The following CDH9 variants were observed in gnomAD, a reference collection of about 807,000 sequenced individuals.
The protein encoded by CDH9 is cadherin-9.
Under a neutral mutation model 70.9 loss-of-function variants are expected in CDH9, and 28 were observed. The observed-to-expected ratio is 0.40, with a 90% CI of 0.29 to 0.54. The LOEUF (loss-of-function observed/expected upper bound fraction) is 0.54. CDH9 is among the 20% of genes least tolerant of loss of function. The pLI is 0.59. For synonymous variants in CDH9, 409 were observed against 343.1 expected (o/e 1.19, Z -2.12); for missense variants, 874 against 984.4 (o/e 0.89, Z 1.50).
chr5:27,030,739 CA>C (rs921550258), intron 1 of CDH9, among the ~76,000 whole-genome samples: 1 of 151,130 alleles, frequency 6.6e-6, no homozygotes, highest in East Asian at 2.0e-4. Flanking sequence ...TAAAGCATAA[CA>C]AAAAAATACA....
intron 1 of CDH9, among the ~76,000 whole-genome samples, chr5:27,035,422 T>A (rs1743374750): frequency 1.3e-5 from 2 of 151,656 alleles, no homozygotes; most frequent in South Asian, 2.1e-4. Flanking sequence ...AATTGCTTTA[T>A]CTTAGGAAAC....
chr5:27,034,434 T>G (rs187307826), intron 1 of CDH9, among the ~76,000 whole-genome samples: 59 of 151,912 alleles, frequency 3.9e-4, no homozygotes, highest in Admixed American at 3.4e-3. Flanking sequence ...TTATTTCTCC[T>G]GCAATTGGTT....
At chr5:26,919,919 G>A (rs1255069376) in intron 2 of CDH9, among the ~76,000 whole-genome samples, 1 of 152,118 alleles carries the variant, frequency 6.6e-6, no homozygotes, top group Admixed American at 6.5e-5. Flanking sequence ...TGGGCCTTGG[G>A]TAAGACTCAG....
At chr5:27,016,931 T>A (rs1743056108) in intron 1 of CDH9, among the ~76,000 whole-genome samples, 1 of 152,036 alleles carries the variant, frequency 6.6e-6, no homozygotes, top group Admixed American at 6.6e-5. Flanking sequence ...ATCCGGAGTG[T>A]TAACAAGTGT....
intron 2 of CDH9, among the ~76,000 whole-genome samples, chr5:26,962,218 T>C (rs1449121985): frequency 1.3e-5 from 2 of 152,190 alleles, no homozygotes; most frequent in African/African-American, 4.8e-5. Context: ...CTTTATCCAG[T>C]CTATCATTGA....
chr5:26,984,533 T>C (rs1217142899), intron 2 of CDH9, among the ~76,000 whole-genome samples: 1 of 152,160 alleles, frequency 6.6e-6, no homozygotes, highest in African/African-American at 2.4e-5. Context: ...ATATAGTTAA[T>C]TGATTATTGA....
intron 1 of CDH9, among the ~76,000 whole-genome samples, chr5:26,995,691 T>C (rs1579501881): frequency 6.6e-6 from 1 of 152,092 alleles, no homozygotes; most frequent in Non-Finnish European, 1.5e-5. Flanking sequence ...TTTATCCCAT[T>C]GGATTTATTA....
chr5:26,897,614 AAC>A (rs373676384), intron 7 of CDH9, among the ~76,000 whole-genome samples: 2 of 152,306 alleles, frequency 1.3e-5, no homozygotes, highest in African/African-American at 4.8e-5. Flanking sequence ...AATAAACTTC[AAC>A]ACCCTTTCAT....
chr5:26,894,042 T>C lies in CDH9; in HGVS notation c.1254-3478A>G, dbSNP rs375454542. Among the ~76,000 whole-genome samples the C allele has an allele frequency of 3.3e-5, 5 of 152,246 alleles. No homozygotes were observed. In the East Asian group the frequency reaches 9.6e-4, roughly 29 times the overall value. On this transcript the variant is annotated intron_variant, in intron 7 of 11. Transcript: ENST00000231021. ...TCCTTAGCTACACAAATTCTGCTTA[T>C]GAATAAAAACAAACCTAAAACGTAC...
intron 1 of CDH9, among the ~76,000 whole-genome samples, chr5:26,989,297 C>G (rs1310714359): frequency 6.6e-6 from 1 of 151,748 alleles, no homozygotes; most frequent in Non-Finnish European, 1.5e-5. Flanking sequence ...TTGTATGATA[C>G]TTAATTTAGA....
intron 3 of CDH9, among the ~76,000 whole-genome samples, chr5:26,914,147 A>G (rs928753439): frequency 3.9e-5 from 6 of 151,934 alleles, no homozygotes; most frequent in South Asian, 4.1e-4. Flanking sequence ...GGTATGTCAA[A>G]TCTTTCTGGG....
At position 26,890,038 on chromosome 5, in the gene CDH9, C is replaced by T. The variant is rs141423503; in HGVS notation, c.1391-81G>A. The T allele has an allele frequency of 3.8e-6, 5 of 1,315,130 alleles. No homozygotes were observed. In the East Asian group the frequency reaches 9.4e-5, roughly 25 times the overall value. 81.5% of individuals were successfully genotyped at this position (1,315,130 alleles called of 1,614,324 possible). On this transcript the variant is annotated intron_variant, in intron 8 of 11. Coordinates refer to ENST00000231021, the MANE Select transcript of CDH9 (RefSeq NM_016279.4). ...CACTCACCCATTTGTAGCTTAGCAA[C>T]AGATCCTTTTTGTGGTGTTCACTTT...
At chr5:26,997,096 T>A (rs1742678680) in intron 1 of CDH9, among the ~76,000 whole-genome samples, 1 of 152,038 alleles carries the variant, frequency 6.6e-6, no homozygotes, top group Non-Finnish European at 1.5e-5. Flanking sequence ...TCATATATTA[T>A]AAAATATGAT....
chr5:26,903,343 G>A (rs1740888527), intron 6 of CDH9: 6 of 471,948 alleles, frequency 1.3e-5, no homozygotes, highest in South Asian at 1.2e-4. Flanking sequence ...AAATAATGAT[G>A]GCTGTGTGTT....
intron 2 of CDH9, among the ~76,000 whole-genome samples, chr5:26,945,271 A>C (rs1182691127): frequency 6.6e-6 from 1 of 151,902 alleles, no homozygotes; most frequent in African/African-American, 2.4e-5. Flanking sequence ...AGAAATGAAC[A>C]GTCAAATGTG....
chr5:26,932,670 A>G (rs1741483148), intron 2 of CDH9, among the ~76,000 whole-genome samples: 2 of 152,186 alleles, frequency 1.3e-5, no homozygotes, highest in African/African-American at 4.8e-5. Flanking sequence ...TTTATTGAAG[A>G]CAGCATATTG....
intron 7 of CDH9, among the ~76,000 whole-genome samples, chr5:26,894,650 A>T (rs2111978048): frequency 6.6e-6 from 1 of 152,226 alleles, no homozygotes; most frequent in East Asian, 1.9e-4. Flanking sequence ...AGAATAGCAC[A>T]TTCAGATTTA....
intron 1 of CDH9, among the ~76,000 whole-genome samples, chr5:27,037,947 A>G (rs985770887): frequency 6.6e-6 from 1 of 151,948 alleles, no homozygotes. Context: ...CTATTCATAT[A>G]TTGTTTCATT....
intron 3 of CDH9, 120 bp from the exon 4 acceptor site, chr5:26,906,958 A>C (rs1740959942): frequency 1.5e-6 from 2 of 1,291,464 alleles, no homozygotes; most frequent in Non-Finnish European, 2.0e-6. Context: ...TGTTTGAAGA[A>C]ATTTATTTAA....
Sources: gnomAD v4.1 joint callset for allele counts (sites outside exome capture counted in the v4.1 genomes callset) on GRCh38, gnomAD v4.1.1 for gene constraint, MANE v1.5 for transcripts, NCBI Gene and HGNC (gene_info 2026-07-23, HGNC 2026-07-21) for gene names.